Variants in DROSHA observed in about 807,000 individuals in gnomAD.
The protein encoded by DROSHA is drosha ribonuclease III.
DROSHA carries 56 observed loss-of-function variants against 181.9 expected under a neutral mutation model. That is an observed-to-expected ratio of 0.31 (90% CI 0.25 to 0.38). The LOEUF is 0.38. DROSHA is among the 10% of genes least tolerant of loss of function. The pLI is 1.00. For synonymous variants in DROSHA, 524 were observed against 591.2 expected (o/e 0.89, Z 1.65); for missense variants, 1,218 against 1,743.5 (o/e 0.70, Z 5.37).
chr5:31,403,067 C>T (rs1165500972), intron 35 of DROSHA, among the ~76,000 whole-genome samples: 4 of 152,148 alleles, frequency 2.6e-5, no homozygotes, highest in African/African-American at 4.8e-5. Flanking sequence ...CCACCATGCC[C>T]GGCCCAGAGA....
At chr5:31,524,216 T>A (rs1354083598) in intron 5 of DROSHA, among the ~76,000 whole-genome samples, 1 of 152,174 alleles carries the variant, frequency 6.6e-6, no homozygotes, top group African/African-American at 2.4e-5. Context: ...CTTCTGAACC[T>A]TCTGAGCACT....
intron 24 of DROSHA, among the ~76,000 whole-genome samples, chr5:31,436,757 CA>C (rs1305662185): frequency 3.0e-5 from 3 of 100,390 alleles, no homozygotes; most frequent in African/African-American, 1.6e-4. Context: ...CACACACACA[CA>C]CACACACACA....
At chr5:31,497,248 C>T (rs1165713827) in intron 11 of DROSHA, among the ~76,000 whole-genome samples, 2 of 152,166 alleles carry the variant, frequency 1.3e-5, no homozygotes, top group African/African-American at 2.4e-5. Context: ...TACAGACTTG[C>T]AGGGGATCAT....
In DROSHA at chr5:31,468,074, A is replaced by G; in HGVS notation, c.2242-11T>C. The G allele has an allele frequency of 3.1e-6, 5 of 1,606,850 alleles. No individual in the cohort carries two copies. The highest frequency in any genetic ancestry group is 4.3e-6 in the Non-Finnish European group (5 of 1,176,068). On this transcript the variant is annotated splice_polypyrimidine_tract_variant and intron_variant, in intron 17 of 35. Transcript: ENST00000344624. ...GACAGAGCTTGGTTTCTAGAGAGAA[A>G]AATCAAAGCCATTTATTCCCATAAG...
chr5:31,475,680 A>G (rs1325761940), intron 16 of DROSHA, among the ~76,000 whole-genome samples: 2 of 152,240 alleles, frequency 1.3e-5, no homozygotes, highest in Admixed American at 6.5e-5. Context: ...AGATTACTTA[A>G]GAGTACCAGG....
At chr5:31,468,362 TC>T (rs1749340627) in intron 17 of DROSHA, among the ~76,000 whole-genome samples, 1 of 152,230 alleles carries the variant, frequency 6.6e-6, no homozygotes, top group Non-Finnish European at 1.5e-5. Flanking sequence ...ATATAACTTT[TC>T]CTTAACCTCT....
intron 23 of DROSHA, among the ~76,000 whole-genome samples, chr5:31,442,597 A>G (rs538458996): frequency 3.1e-4 from 47 of 152,332 alleles, no homozygotes; most frequent in African/African-American, 9.9e-4. Context: ...TTTATAAAAC[A>G]CAACCGTCTC....
In DROSHA at chr5:31,484,924, G is replaced by C; in HGVS notation, c.1953C>G (p.Phe651Leu). The C allele has an allele frequency of 1.9e-6, 3 of 1,546,300 alleles. No individual in the cohort carries two copies. Among genetic ancestry groups the C allele is most frequent in the Non-Finnish European group, 2.6e-6 (3 of 1,145,670 alleles). The change falls in exon 15 of 36, where the codon TTC (phenylalanine) becomes TTG (leucine). Residue 651 changes from phenylalanine to leucine, a missense_variant. By Grantham distance (22) the Phe-to-Leu change is conservative. This residue lies in a region of DROSHA where 460 missense variants were observed against 774.2 expected (regional missense o/e 0.59). Coordinates refer to ENST00000344624, the MANE Select transcript of DROSHA (RefSeq NM_001382508.1). ...CVKGLELFSL[F>L]LFRDILELYD... ...ATAATTCCAAAATATCTCTGAATAG[G>C]AACAGTGAAAAGAGTTCAAGCCCTT...
intron 20 of DROSHA, among the ~76,000 whole-genome samples, chr5:31,460,905 A>G (rs545053353): frequency 4.6e-5 from 7 of 152,098 alleles, no homozygotes; most frequent in African/African-American, 1.7e-4. Context: ...CTACTGGCAA[A>G]AAACAACAAC....
chr5:31,525,870 T>G (rs138491427), intron 5 of DROSHA, among the ~76,000 whole-genome samples: 1 of 152,230 alleles, frequency 6.6e-6, no homozygotes, highest in East Asian at 1.9e-4. Context: ...ACTGATATAT[T>G]TGGAATGCTT....
chr5:31,422,623 T>C (rs1192101443), intron 29 of DROSHA, among the ~76,000 whole-genome samples, 164 bp downstream of exon 29: 1 of 152,230 alleles, frequency 6.6e-6, no homozygotes, highest in African/African-American at 2.4e-5. Context: ...GATTGGAGCA[T>C]AACCCCAGGT....
Position 31,432,197 on chromosome 5 carries a change from T to G in DROSHA, c.3043-519A>C, listed in dbSNP as rs572189367. ...CCCAGGCTGGAGTGCAGTGGTATGATCTTGGCTTACTGCAACCTCCAACTC... is the reference window on the plus strand; with the variant it reads ...CCCAGGCTGGAGTGCAGTGGTATGAGCTTGGCTTACTGCAACCTCCAACTC... On this transcript the variant is annotated intron_variant, in intron 25 of 35. Transcript: ENST00000344624. Among the ~76,000 whole-genome samples the G allele has an allele frequency of 9.9e-5, 15 of 151,800 alleles. No individual in the cohort carries two copies. In the Middle Eastern group the frequency reaches 0.01, roughly 103 times the overall value.
intron 8 of DROSHA, among the ~76,000 whole-genome samples, chr5:31,511,721 A>G (rs188743634): frequency 3.3e-5 from 5 of 151,976 alleles, no homozygotes; most frequent in Non-Finnish European, 7.4e-5. Flanking sequence ...ACAGAAAAGA[A>G]ACATTAGAAC....
intron 30 of DROSHA, among the ~76,000 whole-genome samples, chr5:31,420,742 ACAT>A (rs766938991): frequency 2.0e-5 from 3 of 152,186 alleles, no homozygotes; most frequent in Non-Finnish European, 2.9e-5. Flanking sequence ...AAAGGCTCAA[ACAT>A]CATTATACCC....
intron 14 of DROSHA, among the ~76,000 whole-genome samples, chr5:31,485,635 TAAA>T (rs10523474): frequency 1.5e-5 from 2 of 136,034 alleles, no homozygotes; most frequent in Admixed American, 1.5e-4. Flanking sequence ...AAAAGGAAGT[TAAA>T]AAAAAAAAAA....
chr5:31,416,883 A>T (rs1369691251), intron 30 of DROSHA, among the ~76,000 whole-genome samples: 1 of 152,202 alleles, frequency 6.6e-6, no homozygotes, highest in Non-Finnish European at 1.5e-5. Flanking sequence ...CATTCAGTCA[A>T]AGCATACTTG....
chr5:31,423,038 C>T, intron 28 of DROSHA, 94 bp from the exon 29 acceptor site: 1 of 1,212,132 alleles, frequency 8.2e-7, no homozygotes, highest in South Asian at 2.1e-5. Context: ...AAAATTCCTT[C>T]TCCCATGAGC....
intron 27 of DROSHA, among the ~76,000 whole-genome samples, chr5:31,428,002 T>C (rs1471055432): frequency 6.6e-6 from 1 of 152,190 alleles, no homozygotes; most frequent in African/African-American, 2.4e-5. Context: ...GTTTGTAAGA[T>C]AATGTTCACA....
In DROSHA at chr5:31,488,774, C is replaced by T. The variant is rs150774931; in HGVS notation, c.1843-2212G>A. Among the ~76,000 whole-genome samples, 248 of 152,200 alleles carry T rather than the reference C, an allele frequency of 1.6e-3. 3 individuals are homozygous for T. The highest frequency in any genetic ancestry group is 5.6e-3 in the African/African-American group (234 of 41,530). On this transcript the variant is annotated intron_variant, in intron 13 of 35. Transcript: ENST00000344624. ...TTGTAAGGGAACAAAGAAGACCAGA[C>T]TGAAGTCTAATGCAATAGTCCAGGA...
Sources: gnomAD v4.1 joint callset for allele counts (sites outside exome capture counted in the v4.1 genomes callset) on GRCh38, gnomAD v4.1.1 for gene constraint, gnomAD v4.1.1 regional missense constraint, MANE v1.5 for transcripts, NCBI Gene and HGNC (gene_info 2026-07-23, HGNC 2026-07-21) for gene names.